The following IL21R variants were observed in gnomAD, a reference collection of about 807,000 sequenced individuals.
The protein encoded by IL21R is interleukin-21 receptor.
Under a neutral mutation model 41.3 loss-of-function variants are expected in IL21R, and 14 were observed. The observed-to-expected ratio is 0.34, with a 90% CI of 0.22 to 0.53. The LOEUF (loss-of-function observed/expected upper bound fraction) is 0.53, where lower values mean the gene tolerates loss of function less well. Ranked by LOEUF, IL21R falls within the 20% of genes least tolerant of loss-of-function variation. The probability of loss-of-function intolerance (pLI) is 0.94; values close to 1 mark genes in which losing one functional copy is unlikely to be tolerated. For synonymous variants in IL21R, 286 were observed against 287.6 expected (o/e 0.99, Z 0.05); for missense variants, 588 against 681.6 (o/e 0.86, Z 1.53).
chr16:27,439,607 A>G (rs560931566), intron 4 of IL21R, among the ~76,000 whole-genome samples: 1 of 147,438 alleles, frequency 6.8e-6, no homozygotes, highest in East Asian at 2.0e-4. Context: ...GCATTCTCAC[A>G]CACGTGTACA....
rs988504589 is a variant in IL21R at position 27,451,314 on chromosome 16, T to TG, written c.*2035dup. The TG allele has an allele frequency of 1.8e-5, 4 of 227,484 alleles. No homozygotes were observed. Among genetic ancestry groups the TG allele is most frequent in the Non-Finnish European group, 2.6e-5 (3 of 114,550 alleles). The allele number at this position is 227,484 out of a possible 1,614,324, so 14.1% of individuals were successfully genotyped here. On this transcript the variant is annotated 3_prime_UTR_variant, in exon 9 of 9. Transcript: ENST00000337929. ...GGTGGCGGAGGGGAACACAGATGGTTGGGGAAGGCCTGAGGCCAGATTGGG... is the reference window on the plus strand; with the variant it reads ...GGTGGCGGAGGGGAACACAGATGGTTGGGGGAAGGCCTGAGGCCAGATTGGG...
At chr16:27,440,287 A>AGAGCGC (rs1479585420) in intron 4 of IL21R, among the ~76,000 whole-genome samples, 12 of 102,690 alleles carry the variant, frequency 1.2e-4, no homozygotes, top group East Asian at 1.0e-3. Flanking sequence ...AGAGCGAGCA[A>AGAGCGC]GCGCGCGCCA....
At chr16:27,443,620 TA>T (rs1420477317) in intron 5 of IL21R, among the ~76,000 whole-genome samples, 1 of 152,084 alleles carries the variant, frequency 6.6e-6, no homozygotes, top group Non-Finnish European at 1.5e-5. Flanking sequence ...CTGTTTCTAC[TA>T]AAAATACAAA....
intron 3 of IL21R, among the ~76,000 whole-genome samples, chr16:27,436,215 C>T (rs2087267289): frequency 6.6e-6 from 1 of 152,232 alleles, no homozygotes; most frequent in Admixed American, 6.5e-5. Context: ...GCATAAGCCA[C>T]CGTGTTCTGC....
intron 1 of IL21R, among the ~76,000 whole-genome samples, chr16:27,411,160 T>C (rs529005508): frequency 5.9e-5 from 9 of 152,198 alleles, no homozygotes; most frequent in Non-Finnish European, 1.3e-4. Context: ...TGTTTTTATT[T>C]CTTTTGGATA....
intron 1 of IL21R, among the ~76,000 whole-genome samples, chr16:27,417,632 C>T (rs867544318): frequency 7.2e-6 from 1 of 139,012 alleles, no homozygotes; most frequent in East Asian, 2.2e-4. Flanking sequence ...GTATAGCCTA[C>T]TACACACCTA....
chr16:27,422,074 T>C (rs2087008664), intron 1 of IL21R, among the ~76,000 whole-genome samples: 1 of 152,088 alleles, frequency 6.6e-6, no homozygotes, highest in South Asian at 2.1e-4. Context: ...AAATTCTAAA[T>C]TGGCTTTTGA....
chr16:27,437,759 C>A, intron 4 of IL21R, 72 bp downstream of exon 4: 1 of 1,239,696 alleles, frequency 8.1e-7, no homozygotes, highest in Non-Finnish European at 1.2e-6. Context: ...CCTCTCTGGG[C>A]TCAGGTGATC....
At chr16:27,408,959 T>C (rs948058972) in intron 1 of IL21R, among the ~76,000 whole-genome samples, 1 of 152,154 alleles carries the variant, frequency 6.6e-6, no homozygotes, top group African/African-American at 2.4e-5. Flanking sequence ...ATGAACATGC[T>C]GGTACATGTC....
At chr16:27,426,273 C>T (rs1192260480) in intron 1 of IL21R, among the ~76,000 whole-genome samples, 4 of 152,228 alleles carry the variant, frequency 2.6e-5, no homozygotes, top group Non-Finnish European at 5.9e-5. Flanking sequence ...CGCACACTGC[C>T]TATTTCATGC....
Position 27,449,313 on chromosome 16 carries a change from A to C in IL21R, c.*30A>C. ...GCTGACTGGATGTCCAGAGCTGGCCAGGCCACTGGGCCCTGAGCCAGAGAC... is the reference window on the plus strand; with the variant it reads ...GCTGACTGGATGTCCAGAGCTGGCCCGGCCACTGGGCCCTGAGCCAGAGAC... On this transcript the variant is annotated 3_prime_UTR_variant, in exon 9 of 9. Coordinates refer to ENST00000337929, the MANE Select transcript of IL21R (RefSeq NM_181078.3). The C allele has an allele frequency of 6.4e-7, 1 of 1,552,642 alleles. No individual in the cohort carries two copies. Among genetic ancestry groups the C allele is most frequent in the Non-Finnish European group, 8.7e-7 (1 of 1,151,452 alleles).
intron 1 of IL21R, among the ~76,000 whole-genome samples, chr16:27,424,085 T>A (rs193155430): frequency 2.0e-5 from 3 of 151,158 alleles, no homozygotes; most frequent in African/African-American, 7.4e-5. Context: ...CTTCTTTTTC[T>A]TTTTTTTGAG....
chr16:27,445,095 A>T (rs1567372551), intron 6 of IL21R, 82 bp from the exon 7 acceptor site: 1 of 946,218 alleles, frequency 1.1e-6, no homozygotes, highest in African/African-American at 1.6e-5. Context: ...ACTCTACCCC[A>T]GACCCATTTC....
chr16:27,436,759 C>T (rs1318244939), intron 3 of IL21R, among the ~76,000 whole-genome samples: 2 of 152,072 alleles, frequency 1.3e-5, no homozygotes, highest in Non-Finnish European at 2.9e-5. Context: ...GCCCTCAGCA[C>T]AGGCTATTAT....
In IL21R at chr16:27,448,682, A is replaced by T. The variant is rs773765397; in HGVS notation, c.1016A>T (p.Glu339Val). Residue 339 changes from glutamate (E) to valine (V), a missense_variant, in exon 9 of 9, where the codon GAG (glutamate) becomes GTG (valine). Coordinates refer to ENST00000337929, the MANE Select transcript of IL21R (RefSeq NM_181078.3). ...CTCACGGAGCTACAAGAACCAGCAG[A>T]GCTGGTGGAGTCTGACGGTGTGCCC... ...LQLTELQEPA[E>V]LVESDGVPKP... 6.2e-7 allele frequency: 1 copy of T among 1,613,168 alleles called. No homozygotes were observed. Among genetic ancestry groups the T allele is most frequent in the Non-Finnish European group, 8.5e-7 (1 of 1,179,990 alleles).
chr16:27,439,518 G>A (rs919691588), intron 4 of IL21R, among the ~76,000 whole-genome samples: 5 of 148,408 alleles, frequency 3.4e-5, no homozygotes, highest in African/African-American at 1.0e-4. Flanking sequence ...TTTCTCACAC[G>A]TGTGCACACA....
intron 4 of IL21R, among the ~76,000 whole-genome samples, chr16:27,439,212 G>A (rs1313313644): frequency 1.3e-5 from 2 of 151,626 alleles, no homozygotes; most frequent in African/African-American, 4.8e-5. Context: ...AAATTCCCAG[G>A]GTCACAGACT....
chr16:27,426,888 T>C (rs529398676), intron 1 of IL21R, among the ~76,000 whole-genome samples: 1 of 152,158 alleles, frequency 6.6e-6, no homozygotes, highest in East Asian at 1.9e-4. Flanking sequence ...TTAAGCAACA[T>C]AGGTGGTTTT....
intron 4 of IL21R, among the ~76,000 whole-genome samples, chr16:27,441,918 G>A (rs770314970): frequency 2.0e-5 from 3 of 152,152 alleles, no homozygotes; most frequent in Non-Finnish European, 4.4e-5. Flanking sequence ...GGCTGAAGTG[G>A]GAGGATGGCT....
Sources: allele counts gnomAD v4.1 joint callset (sites outside exome capture counted in the v4.1 genomes callset), GRCh38; gene constraint gnomAD v4.1.1; transcripts MANE v1.5; gene names NCBI Gene and HGNC (gene_info 2026-07-23, HGNC 2026-07-21).